SLC9C2: variants seen among roughly 807,000 people sequenced by gnomAD.
SLC9C2 encodes sodium/hydrogen exchanger 11.
Under a neutral mutation model 140.2 loss-of-function variants are expected in SLC9C2, and 75 were observed. The ratio of observed to expected loss-of-function variants is 0.53; its 90% confidence interval spans 0.44 to 0.65. The LOEUF (loss-of-function observed/expected upper bound fraction) is 0.65, where lower values mean the gene tolerates loss of function less well. SLC9C2 is among the 30% of genes least tolerant of loss of function. The pLI is 0.00. For synonymous variants in SLC9C2, 375 were observed against 420.9 expected, an observed-to-expected ratio of 0.89 and a Z score of 1.34; for missense variants, 1,074 against 1,331.8, an observed-to-expected ratio of 0.81 and a Z score of 3.01.
intron 12 of SLC9C2, 151 bp from the exon 13 acceptor site, chr1:173,547,935 A>G (rs188702652): frequency 1.1e-4 from 65 of 618,172 alleles, no homozygotes; most frequent in Non-Finnish European, 1.7e-4. Flanking sequence ...ATGTTTTTTC[A>G]TATAAGAAGT....
intron 7 of SLC9C2, among the ~76,000 whole-genome samples, chr1:173,580,364 T>G (rs1240069835): frequency 6.6e-6 from 1 of 152,092 alleles, no homozygotes; most frequent in Non-Finnish European, 1.5e-5. Flanking sequence ...ACTTTTTTTT[T>G]TTTTTGAGGC....
At chr1:173,545,511 G>A (rs1418190695) in intron 13 of SLC9C2, among the ~76,000 whole-genome samples, 1 of 152,158 alleles carries the variant, frequency 6.6e-6, no homozygotes, top group African/African-American at 2.4e-5. Context: ...AGTAGTGTCT[G>A]TTGATCATCA....
In SLC9C2 at chr1:173,500,591, T is replaced by C. The variant is rs1322813169; in HGVS notation, c.*503A>G. The C allele has an allele frequency of 6.6e-6, 1 of 152,250 alleles. No homozygotes were observed. The highest frequency in any genetic ancestry group is 1.5e-5 in the Non-Finnish European group (1 of 68,040). 9.4% of individuals were successfully genotyped at this position (152,250 alleles called of 1,614,324 possible). A position where few individuals can be genotyped will look rare whatever the true frequency, so the allele number is the denominator to read the frequency against. ...TCACTGAAAGCAAAAGTTACTTACT[T>C]ACTGAAAGTTACTAAGATTGTGGAA... is the stretch of plus-strand genomic sequence containing the variant. On this transcript the variant is annotated 3_prime_UTR_variant, in exon 28 of 28. Coordinates refer to ENST00000367714, the MANE Select transcript of SLC9C2 (RefSeq NM_178527.4).
intron 3 of SLC9C2, among the ~76,000 whole-genome samples, chr1:173,599,869 G>A (rs549556039): frequency 6.6e-6 from 1 of 152,258 alleles, no homozygotes; most frequent in African/African-American, 2.4e-5. Flanking sequence ...CTCGCAAAGT[G>A]CTGGGATAAC....
intron 24 of SLC9C2, among the ~76,000 whole-genome samples, chr1:173,507,450 T>G (rs1558010220): frequency 6.6e-6 from 1 of 152,070 alleles, no homozygotes; most frequent in Non-Finnish European, 1.5e-5. Flanking sequence ...GAGCTATACT[T>G]CAAGGCTCAG....
At chr1:173,517,004 A>G (rs946020990) in intron 23 of SLC9C2, among the ~76,000 whole-genome samples, 2 of 152,178 alleles carry the variant, frequency 1.3e-5, no homozygotes, top group African/African-American at 4.8e-5. Flanking sequence ...AATAGCAGCC[A>G]TTCTGACTGG....
chr1:173,563,008 T>C (rs1664216697), intron 9 of SLC9C2, among the ~76,000 whole-genome samples: 1 of 150,904 alleles, frequency 6.6e-6, no homozygotes, highest in African/African-American at 2.4e-5. Context: ...CCTCCCCTGG[T>C]GGAGGCGGAC....
chr1:173,521,406 G>GT lies in SLC9C2; in HGVS notation c.2641-8_2641-7insA. ...AGGCAAGTTTGGCTCTTTCCTGAGT[G>GT]GGAAAAAAAAAAACGAAAAGAAAAA... On this transcript the variant is annotated splice_polypyrimidine_tract_variant and splice_region_variant and intron_variant, in intron 21 of 27. Coordinates refer to ENST00000367714, the MANE Select transcript of SLC9C2 (RefSeq NM_178527.4). The GT allele has an allele frequency of 7.0e-7, 1 of 1,432,352 alleles. No individual in the cohort carries two copies. The highest frequency in any genetic ancestry group is 9.2e-7 in the Non-Finnish European group (1 of 1,089,214). 88.7% of individuals were successfully genotyped at this position (1,432,352 alleles called of 1,614,324 possible).
chr1:173,599,155 G>T (rs1210094148), intron 3 of SLC9C2, among the ~76,000 whole-genome samples: 5 of 151,258 alleles, frequency 3.3e-5, no homozygotes, highest in Admixed American at 2.6e-4. Context: ...GTCTCGCTCT[G>T]TCACCCAGGC....
At chr1:173,564,795 G>A (rs1188409850) in intron 9 of SLC9C2, among the ~76,000 whole-genome samples, 3 of 148,484 alleles carry the variant, frequency 2.0e-5, no homozygotes, top group East Asian at 2.0e-4. Flanking sequence ...CTGCCACCAC[G>A]CCTGGCTAAT....
intron 10 of SLC9C2, among the ~76,000 whole-genome samples, chr1:173,556,815 C>T (rs1225106574): frequency 6.6e-6 from 1 of 151,728 alleles, no homozygotes; most frequent in Non-Finnish European, 1.5e-5. Flanking sequence ...GTAATCCCAG[C>T]TACTTGGGAA....
chr1:173,511,863 T>C (rs1427169484), intron 23 of SLC9C2, among the ~76,000 whole-genome samples: 2 of 152,232 alleles, frequency 1.3e-5, no homozygotes, highest in African/African-American at 2.4e-5. Context: ...TTTGGTTTTC[T>C]GCATATGGCT....
chr1:173,570,828 A>C (rs574393342), intron 9 of SLC9C2, among the ~76,000 whole-genome samples: 2 of 151,988 alleles, frequency 1.3e-5, no homozygotes, highest in South Asian at 4.2e-4. Context: ...GTTCAGTGCA[A>C]ATTCCCCCAG....
intron 9 of SLC9C2, among the ~76,000 whole-genome samples, chr1:173,565,887 G>A (rs1426546608): frequency 6.6e-6 from 1 of 151,828 alleles, no homozygotes; most frequent in Non-Finnish European, 1.5e-5. Flanking sequence ...TTATTATGAA[G>A]GCATGCTGAA....
chr1:173,597,119 C>T (rs1417994278), intron 4 of SLC9C2, among the ~76,000 whole-genome samples: 1 of 151,584 alleles, frequency 6.6e-6, no homozygotes, highest in South Asian at 2.1e-4. Flanking sequence ...TATAGCACAA[C>T]ATTTAAAAAA....
At chr1:173,597,035 T>C (rs1666487937) in intron 4 of SLC9C2, among the ~76,000 whole-genome samples, 1 of 151,872 alleles carries the variant, frequency 6.6e-6, no homozygotes, top group South Asian at 2.1e-4. Flanking sequence ...ACATAGAAGA[T>C]TGAACTTCAT....
chr1:173,572,311 G>A (rs995539833), intron 9 of SLC9C2, among the ~76,000 whole-genome samples: 3 of 152,214 alleles, frequency 2.0e-5, no homozygotes, highest in Non-Finnish European at 4.4e-5. Context: ...ACCAATTTAG[G>A]CCCCACTCTG....
Position 173,597,943 on chromosome 1 carries a change from C to T in SLC9C2, c.318G>A (p.Leu106=). 1.3e-6 allele frequency: 2 copies of T among 1,594,174 alleles called. No homozygotes were observed. The highest frequency in any genetic ancestry group is 1.7e-6 in the Non-Finnish European group (2 of 1,170,554). The part of the protein sequence containing the change: ...FSPLIIFMVA[L]DVEFYTLKKM... The stretch of plus-strand genomic sequence containing the variant: ...TCTTGAGTGTATAAAATTCTACATC[C>T]AAAGCAACCATAAATATAATTAAAG... The change falls in exon 4 of 28, where the codon TTG becomes TTA. Residue 106 remains leucine, a synonymous_variant. Coordinates refer to ENST00000367714, the MANE Select transcript of SLC9C2 (RefSeq NM_178527.4).
In SLC9C2 at chr1:173,536,078, C is replaced by T. The variant is rs147137440; in HGVS notation, c.1656-129G>A. 1.6e-5 allele frequency: 12 copies of T among 733,590 alleles called. No homozygotes were observed. The African/African-American group carries it at 2.3e-4, about 14-fold the overall frequency. The allele number at this position is 733,590 out of a possible 1,614,324, so 45.4% of individuals were successfully genotyped here. A position where few individuals can be genotyped will look rare whatever the true frequency, so the allele number is the denominator to read the frequency against. ...CCACCAAATAAGCTCAGTCTCATGC[C>T]TCTGCATCCATCCACCTATCCATCC... On this transcript the variant is annotated intron_variant, in intron 14 of 27. Transcript: ENST00000367714.
Sources: gnomAD v4.1 joint callset for allele counts (sites outside exome capture counted in the v4.1 genomes callset) on GRCh38, gnomAD v4.1.1 for gene constraint, MANE v1.5 for transcripts, NCBI Gene and HGNC (gene_info 2026-07-23, HGNC 2026-07-21) for gene names.